Variants in TRDN observed in about 807,000 individuals in gnomAD.
The protein encoded by TRDN is triadin in skeletal muscle.
TRDN carries 161 observed loss-of-function variants against 149.7 expected under a neutral mutation model. The ratio of observed to expected loss-of-function variants is 1.08; its 90% CI spans 0.95 to 1.23. The LOEUF is 1.23. TRDN is among the 50% of genes most tolerant of loss of function. TRDN has a pLI of 0.00. For synonymous variants in TRDN, 294 were observed against 250.5 expected, an observed-to-expected ratio of 1.17 and a Z score of -1.64; for missense variants, 896 against 823.5, an observed-to-expected ratio of 1.09 and a Z score of -1.08.
intron 1 of TRDN, among the ~76,000 whole-genome samples, chr6:123,594,391 C>G (rs1010117287): frequency 6.6e-6 from 1 of 152,006 alleles, no homozygotes; most frequent in African/African-American, 2.4e-5. Context: ...GACCAAGGCA[C>G]TAACTCTCTT....
chr6:123,349,996 T>G, intron 21 of TRDN: 3 of 985,344 alleles, frequency 3.0e-6, no homozygotes, highest in Non-Finnish European at 3.6e-6. Flanking sequence ...GGACACAAAT[T>G]AGCCCATTTA....
intron 1 of TRDN, among the ~76,000 whole-genome samples, chr6:123,596,795 C>T (rs9490827): frequency 0.024 from 3,712 of 152,042 alleles, 148 homozygotes; most frequent in African/African-American, 0.084. Flanking sequence ...CTGAATATTT[C>T]GAGCCCAATG....
At chr6:123,268,321 T>C (rs1777084044) in intron 31 of TRDN, among the ~76,000 whole-genome samples, 1 of 151,996 alleles carries the variant, frequency 6.6e-6, no homozygotes, top group African/African-American at 2.4e-5. Context: ...CATAGCTGAA[T>C]CTCAACTATT....
intron 24 of TRDN, among the ~76,000 whole-genome samples, chr6:123,308,998 T>C (rs1778715918): frequency 6.6e-6 from 1 of 152,014 alleles, no homozygotes; most frequent in Non-Finnish European, 1.5e-5. Flanking sequence ...ATGTAAATAT[T>C]CCAAGGTCAT....
intron 10 of TRDN, among the ~76,000 whole-genome samples, chr6:123,448,358 G>A (rs911408592): frequency 3.3e-5 from 5 of 152,056 alleles, no homozygotes; most frequent in South Asian, 2.1e-4. Flanking sequence ...AGCCCATCTC[G>A]CCCTCCACCT....
In TRDN at chr6:123,255,080, C is replaced by A; in HGVS notation, c.1951+1G>T. The A allele has an allele frequency of 1.5e-6, 2 of 1,377,050 alleles. No homozygotes were observed. The highest frequency in any genetic ancestry group is 9.9e-7 in the Non-Finnish European group (1 of 1,006,936). 85.3% of individuals were successfully genotyped at this position (1,377,050 alleles called of 1,614,324 possible). ...ATAGTAGTTACGTAATTCAAGATTA[C>A]CTTTTGTCACATTGTGTAATTGAAG... On this transcript the variant is annotated splice_donor_variant, in intron 37 of 40. Coordinates refer to ENST00000334268, the MANE Select transcript of TRDN (RefSeq NM_006073.4). LOFTEE classifies it high-confidence loss of function.
chr6:123,361,420 TAGATGATG>T (rs1334399990), intron 20 of TRDN, among the ~76,000 whole-genome samples: 1 of 151,878 alleles, frequency 6.6e-6, no homozygotes, highest in Non-Finnish European at 1.5e-5. Context: ...ATACCTAATG[TAGATGATG>T]GGTTGATGGG....
chr6:123,275,108 AC>A (rs1399695490), intron 26 of TRDN, among the ~76,000 whole-genome samples: 1 of 152,138 alleles, frequency 6.6e-6, no homozygotes, highest in Admixed American at 6.6e-5. Flanking sequence ...TTGGGTACTT[AC>A]GTGATTTAGG....
At chr6:123,455,220 T>G (rs1161154987) in intron 10 of TRDN, among the ~76,000 whole-genome samples, 2 of 152,228 alleles carry the variant, frequency 1.3e-5, no homozygotes, top group African/African-American at 2.4e-5. Flanking sequence ...GCAAAAATGT[T>G]TCTATGTTAA....
At chr6:123,475,348 A>C (rs1185400662) in intron 9 of TRDN, among the ~76,000 whole-genome samples, 2 of 147,456 alleles carry the variant, frequency 1.4e-5, no homozygotes, top group Non-Finnish European at 3.0e-5. Context: ...CTCTCCCAAG[A>C]CTAAACCAGG....
At chr6:123,398,940 T>C (rs1480194957) in intron 12 of TRDN, among the ~76,000 whole-genome samples, 1 of 152,220 alleles carries the variant, frequency 6.6e-6, no homozygotes, top group Non-Finnish European at 1.5e-5. Context: ...ATAATTTTGC[T>C]AGATTTTTTC....
chr6:123,272,955 G>A lies in TRDN; in HGVS notation c.1672+9C>T. On this transcript the variant is annotated intron_variant, in intron 29 of 40. Transcript: ENST00000334268. The stretch of plus-strand genomic sequence containing the variant: ...TTATTTGAGACTACAAATACCACCT[G>A]CAAAATACCTGGTTTACCATGAGAA... 1 of 1,524,226 alleles carries A rather than the reference G, an allele frequency of 6.6e-7. No individual in the cohort carries two copies. Among genetic ancestry groups the A allele is most frequent in the Non-Finnish European group, 8.8e-7 (1 of 1,133,560 alleles). The allele number at this position is 1,524,226 out of a possible 1,614,324, so 94.4% of individuals were successfully genotyped here.
intron 12 of TRDN, among the ~76,000 whole-genome samples, chr6:123,419,066 G>A (rs993926828): frequency 6.6e-6 from 1 of 151,914 alleles, no homozygotes; most frequent in African/African-American, 2.4e-5. Context: ...TGGGAGCTGA[G>A]AGGCTAAAAA....
At chr6:123,447,539 A>G (rs1775461520) in intron 10 of TRDN, among the ~76,000 whole-genome samples, 1 of 152,166 alleles carries the variant, frequency 6.6e-6, no homozygotes, top group South Asian at 2.1e-4. Flanking sequence ...AACTCTGGAT[A>G]GCACGTGTTA....
chr6:123,573,783 A>G lies in TRDN; in HGVS notation c.23-2651T>C, dbSNP rs147934995. On this transcript the variant is annotated intron_variant, in intron 1 of 40. Transcript: ENST00000334268. The stretch of plus-strand genomic sequence containing the variant: ...TCATCATGGTACAAACATTATCACT[A>G]TAACTGAATTCCTTAAATTAGAAAA... Among the ~76,000 whole-genome samples, 653 of 152,176 alleles carry G rather than the reference A, an allele frequency of 4.3e-3. 2 individuals carry two copies. The highest frequency in any genetic ancestry group is 8.1e-3 in the Admixed American group (123 of 15,276).
intron 9 of TRDN, chr6:123,471,843 T>C (rs1007817563): frequency 6.6e-6 from 1 of 152,184 alleles, no homozygotes; most frequent in Admixed American, 6.5e-5. Flanking sequence ...AAAAGAAATA[T>C]GATAAATTCA....
chr6:123,507,632 A>G (rs1778990179), intron 7 of TRDN, among the ~76,000 whole-genome samples: 1 of 152,148 alleles, frequency 6.6e-6, no homozygotes. Flanking sequence ...TTTTCCCTAA[A>G]ATAATTTAAG....
At chr6:123,231,047 T>G (rs1775579748) in intron 38 of TRDN, among the ~76,000 whole-genome samples, 1 of 152,006 alleles carries the variant, frequency 6.6e-6, no homozygotes, top group African/African-American at 2.4e-5. Flanking sequence ...AGAACTTCCC[T>G]GCAGCAACAC....
chr6:123,555,151 T>G (rs960985659), intron 2 of TRDN, among the ~76,000 whole-genome samples: 1 of 152,158 alleles, frequency 6.6e-6, no homozygotes, highest in Non-Finnish European at 1.5e-5. Flanking sequence ...GACATTATAC[T>G]TTAAAGCTTT....
Sources: allele counts gnomAD v4.1 joint callset (sites outside exome capture counted in the v4.1 genomes callset), GRCh38; gene constraint gnomAD v4.1.1; transcripts MANE v1.5; gene names NCBI Gene and HGNC (gene_info 2026-07-23, HGNC 2026-07-21).